Variants in HYCC1 observed in about 807,000 individuals in gnomAD.
HYCC1 encodes the protein hyccin PI4KA lipid kinase complex subunit 1.
the HYCC1 span, among the ~76,000 whole-genome samples, chr7:22,949,279 A>G: frequency 6.6e-6 from 1 of 152,070 alleles, no homozygotes; most frequent in South Asian, 2.1e-4. Context: ...TTTGATTCCC[A>G]TTTACAGACA....
At chr7:22,911,849 A>T in the HYCC1 span, among the ~76,000 whole-genome samples, 30,231 of 152,232 alleles carry the variant, frequency 0.2, 3,579 homozygotes, top group Non-Finnish European at 0.27. Context: ...ATTCTAACTA[A>T]ATGTTTCTGA....
At chr7:22,930,519 G>A in the HYCC1 span, among the ~76,000 whole-genome samples, 1 of 151,926 alleles carries the variant, frequency 6.6e-6, no homozygotes, top group Non-Finnish European at 1.5e-5. Context: ...AGGCCTAGTG[G>A]TTTCCCTGGT....
the HYCC1 span, chr7:23,013,876 G>T: frequency 3.5e-5 from 16 of 456,042 alleles, no homozygotes; most frequent in South Asian, 2.2e-4. Flanking sequence ...AAAGTTATCC[G>T]TTGCCGGACG....
At chr7:22,976,213 G>C in the HYCC1 span, 3 of 1,601,780 alleles carry the variant, frequency 1.9e-6, no homozygotes, top group Non-Finnish European at 2.6e-6. Context: ...ACTTTACCTT[G>C]AACAAATTTG....
At chr7:22,896,657 T>C in the HYCC1 span, among the ~76,000 whole-genome samples, 2 of 152,234 alleles carry the variant, frequency 1.3e-5, no homozygotes, top group Admixed American at 6.5e-5. Flanking sequence ...GAGCATTCCC[T>C]GGCAGAGAGG....
the HYCC1 span, chr7:22,946,048 G>GTGACTACAATT: frequency 2.5e-6 from 4 of 1,613,538 alleles, no homozygotes; most frequent in South Asian, 4.4e-5. Flanking sequence ...TACTACAATT[G>GTGACTACAATT]TGACTACTGT....
chr7:22,921,943 G>A, the HYCC1 span, among the ~76,000 whole-genome samples: 1 of 151,928 alleles, frequency 6.6e-6, no homozygotes, highest in Non-Finnish European at 1.5e-5. Flanking sequence ...GTATAGGAAA[G>A]CTCTAGAGCA....
At chr7:22,921,534 A>G in the HYCC1 span, among the ~76,000 whole-genome samples, 1 of 152,218 alleles carries the variant, frequency 6.6e-6, no homozygotes, top group Non-Finnish European at 1.5e-5. Context: ...TAACAACAAT[A>G]GCACAAAAAA....
chr7:22,932,388 G>A, the HYCC1 span, among the ~76,000 whole-genome samples: 2 of 152,160 alleles, frequency 1.3e-5, no homozygotes, highest in Non-Finnish European at 2.9e-5. Context: ...CCAAGTCACA[G>A]AGAATTATTC....
chr7:22,961,369 CTG>C, the HYCC1 span: 1 of 1,076,242 alleles, frequency 9.3e-7, no homozygotes, highest in Non-Finnish European at 1.4e-6. Context: ...TTATTTATAA[CTG>C]AACAAAATAC....
At chr7:22,996,597 T>TAAAAAAA in the HYCC1 span, among the ~76,000 whole-genome samples, 639 of 106,434 alleles carry the variant, frequency 6.0e-3, 19 homozygotes, top group African/African-American at 0.013. Context: ...GTACAATTGT[T>TAAAAAAA]AAAAAAAAAA....
the HYCC1 span, among the ~76,000 whole-genome samples, chr7:22,984,666 G>A: frequency 6.6e-6 from 1 of 152,304 alleles, no homozygotes; most frequent in East Asian, 1.9e-4. Flanking sequence ...ACGCTGCAGA[G>A]AGCCATGATT....
chr7:22,911,534 C>T, the HYCC1 span, among the ~76,000 whole-genome samples: 11 of 152,236 alleles, frequency 7.2e-5, no homozygotes, highest in African/African-American at 1.2e-4. Flanking sequence ...CCGAGGTGGG[C>T]GGATCACGAG....
At chr7:22,942,675 C>T in the HYCC1 span, 2 of 152,094 alleles carry the variant, frequency 1.3e-5, no homozygotes, top group African/African-American at 4.8e-5. Flanking sequence ...GTGTGGAATC[C>T]TTCTCATGAT....
At chr7:22,975,107 T>A in the HYCC1 span, among the ~76,000 whole-genome samples, 1 of 152,236 alleles carries the variant, frequency 6.6e-6, no homozygotes, top group Admixed American at 6.5e-5. Context: ...TTGCATTTTC[T>A]AAATAAATTC....
chr7:22,983,640 CA>C, the HYCC1 span: 1 of 331,184 alleles, frequency 3.0e-6, no homozygotes, highest in Admixed American at 4.3e-5. Context: ...TACTGCCTAG[CA>C]TAGCCGATGG....
At chr7:22,924,172 T>G in the HYCC1 span, among the ~76,000 whole-genome samples, 1 of 106,860 alleles carries the variant, frequency 9.4e-6, no homozygotes, top group Non-Finnish European at 2.0e-5. Flanking sequence ...AGCGAGACTC[T>G]GTATCAAAAA....
the HYCC1 span, among the ~76,000 whole-genome samples, chr7:22,932,878 T>C: frequency 6.6e-6 from 1 of 152,126 alleles, no homozygotes; most frequent in South Asian, 2.1e-4. Flanking sequence ...GTTAGCTAAG[T>C]TGGAGTCATA....
the HYCC1 span, among the ~76,000 whole-genome samples, chr7:22,921,641 C>T: frequency 4.6e-5 from 7 of 152,202 alleles, no homozygotes; most frequent in African/African-American, 1.7e-4. Context: ...ACACGGCTCC[C>T]CACACCCATG....
Sources: allele counts gnomAD v4.1 joint callset (sites outside exome capture counted in the v4.1 genomes callset), GRCh38; gene constraint gnomAD v4.1.1; transcripts MANE v1.5; gene names NCBI Gene and HGNC (gene_info 2026-07-23, HGNC 2026-07-21).